Variants in GDPD4 observed in about 807,000 individuals in gnomAD.
GDPD4 encodes glycerophosphodiester phosphodiesterase domain containing 4.
A neutral mutation model predicts 67.8 loss-of-function variants in GDPD4; 60 were observed. The ratio of observed to expected loss-of-function variants is 0.88; its 90% CI spans 0.72 to 1.10. GDPD4 has a LOEUF of 1.10. Ranked by LOEUF, GDPD4 falls within the 50% of genes least tolerant of loss-of-function variation. The pLI is 0.00. For missense variants in GDPD4, 623 were observed against 613.9 expected (o/e 1.01, Z -0.16); for synonymous variants, 212 against 210.9 (o/e 1.00, Z -0.04).
intron 13 of GDPD4, among the ~76,000 whole-genome samples, chr11:77,235,658 T>G (rs1317485182): frequency 1.3e-5 from 2 of 152,200 alleles, no homozygotes; most frequent in African/African-American, 4.8e-5. Context: ...TCCAAAGATG[T>G]AAAAATTCAG....
At chr11:77,295,210 T>C (rs1937913952) in intron 1 of GDPD4, among the ~76,000 whole-genome samples, 1 of 151,546 alleles carries the variant, frequency 6.6e-6, no homozygotes, top group Admixed American at 6.6e-5. Flanking sequence ...CTGGTCTGGA[T>C]CTCCTGACCT....
At chr11:77,289,236 A>G (rs890278159) in intron 1 of GDPD4, among the ~76,000 whole-genome samples, 7 of 151,924 alleles carry the variant, frequency 4.6e-5, no homozygotes, top group African/African-American at 1.5e-4. Context: ...GGTAGTGCAC[A>G]TCTGTAATCC....
At chr11:77,294,816 A>G (rs982212034) in intron 1 of GDPD4, among the ~76,000 whole-genome samples, 12 of 152,180 alleles carry the variant, frequency 7.9e-5, no homozygotes, top group African/African-American at 2.9e-4. Flanking sequence ...GAAACAGAAT[A>G]TGGGTTCCAG....
chr11:77,282,722 C>G (rs1443591636), intron 3 of GDPD4, among the ~76,000 whole-genome samples: 3 of 151,026 alleles, frequency 2.0e-5, no homozygotes, highest in Non-Finnish European at 4.4e-5. Context: ...AAAAAAAACA[C>G]AGAACTGATA....
At chr11:77,225,524 C>T (rs932556946) in intron 16 of GDPD4, among the ~76,000 whole-genome samples, 4 of 152,082 alleles carry the variant, frequency 2.6e-5, no homozygotes, top group Admixed American at 1.3e-4. Context: ...TGCACGCACA[C>T]GCACGAAGTT....
intron 11 of GDPD4, among the ~76,000 whole-genome samples, chr11:77,248,051 C>CAAAAAAAAAAAAAAAAAAA (rs34252021): frequency 3.2e-5 from 2 of 62,704 alleles, no homozygotes; most frequent in Admixed American, 2.1e-4. Flanking sequence ...AACTCCGTCT[C>CAAAAAAAAAAAAAAAAAAA]AAAAAAAAAA....
chr11:77,297,467 C>G (rs60804374), intron 1 of GDPD4, among the ~76,000 whole-genome samples: 5 of 147,686 alleles, frequency 3.4e-5, no homozygotes, highest in African/African-American at 1.3e-4. Flanking sequence ...ACCCGGGAGG[C>G]GGAGCTTGCA....
intron 5 of GDPD4, among the ~76,000 whole-genome samples, chr11:77,271,697 G>C (rs147987476): frequency 2.6e-4 from 40 of 152,188 alleles, no homozygotes; most frequent in Admixed American, 2.6e-3. Flanking sequence ...ACATTGCTTG[G>C]TATCTCTTAC....
intron 1 of GDPD4, among the ~76,000 whole-genome samples, chr11:77,297,720 G>C (rs138284249): frequency 6.6e-6 from 1 of 152,148 alleles, no homozygotes. Flanking sequence ...ATTATTGAGT[G>C]AATCAATAGA....
rs774243373 is a variant in GDPD4 at position 77,243,813 on chromosome 11, G to C, written c.1122C>G (p.Val374=). The change falls in exon 13 of 17, where the codon GTC becomes GTG. Residue 374 remains valine (V), a synonymous_variant. Coordinates refer to ENST00000315938, the MANE Select transcript of GDPD4 (RefSeq NM_182833.3). ...FWLPAHDRQY[V]RSVAPGFQHV... Reference sequence around the variant, plus strand: ...GCTGAAAACCAGGAGCCACGGACCTGACGTATTGCCTATCATGAGCTGGCA... The same window carrying C: ...GCTGAAAACCAGGAGCCACGGACCTCACGTATTGCCTATCATGAGCTGGCA... The C allele has an allele frequency of 1.2e-6, 2 of 1,613,832 alleles. No homozygotes were observed. Among genetic ancestry groups the C allele is most frequent in the Non-Finnish European group, 1.7e-6 (2 of 1,179,818 alleles).
chr11:77,255,466 AAGG>A (rs1380712552), intron 11 of GDPD4, among the ~76,000 whole-genome samples: 3 of 152,216 alleles, frequency 2.0e-5, no homozygotes, highest in Middle Eastern at 3.4e-3. Flanking sequence ...CAGGAGGCTG[AAGG>A]AGGAGAACTG....
chr11:77,221,962 T>G (rs2135818214), intron 16 of GDPD4, among the ~76,000 whole-genome samples: 1 of 152,336 alleles, frequency 6.6e-6, no homozygotes, highest in East Asian at 1.9e-4. Context: ...CTTGTTGAAT[T>G]GATCCCTTTA....
chr11:77,284,298 G>C (rs1387651391), intron 3 of GDPD4, among the ~76,000 whole-genome samples: 1 of 151,942 alleles, frequency 6.6e-6, no homozygotes, highest in African/African-American at 2.4e-5. Flanking sequence ...TAAGTGAAAA[G>C]AGAAAGCAAA....
At chr11:77,228,596 T>C (rs1371449582) in intron 15 of GDPD4, among the ~76,000 whole-genome samples, 1 of 150,410 alleles carries the variant, frequency 6.6e-6, no homozygotes, top group Non-Finnish European at 1.5e-5. Flanking sequence ...GAGAATCACT[T>C]GAACCCAGGA....
At chr11:77,280,994 T>C (rs957710198) in intron 3 of GDPD4, among the ~76,000 whole-genome samples, 2 of 152,248 alleles carry the variant, frequency 1.3e-5, no homozygotes, top group African/African-American at 4.8e-5. Flanking sequence ...TCTATGTGAA[T>C]GTGTCCAATT....
chr11:77,218,107 T>TG (rs967257031), intron 16 of GDPD4, among the ~76,000 whole-genome samples: 4 of 151,796 alleles, frequency 2.6e-5, no homozygotes, highest in African/African-American at 9.7e-5. Context: ...TTTTTTTTTT[T>TG]GTCAGCTTTA....
intron 4 of GDPD4, among the ~76,000 whole-genome samples, chr11:77,278,881 T>G (rs1363628979): frequency 1.3e-5 from 2 of 152,200 alleles, no homozygotes; most frequent in Non-Finnish European, 2.9e-5. Context: ...ATTTGTACAT[T>G]AGAACAAATT....
chr11:77,285,030 G>T, intron 3 of GDPD4, 55 bp downstream of exon 3: 1 of 1,227,988 alleles, frequency 8.1e-7, no homozygotes, highest in South Asian at 1.2e-5. Context: ...GAATCCAGGT[G>T]GCTATCAGAC....
At chr11:77,220,790 C>T (rs2135816856) in intron 16 of GDPD4, among the ~76,000 whole-genome samples, 1 of 152,278 alleles carries the variant, frequency 6.6e-6, no homozygotes, top group South Asian at 2.1e-4. Flanking sequence ...GTACCAGCTC[C>T]TCTTTGTATC....
Sources: gnomAD v4.1 joint callset for allele counts (sites outside exome capture counted in the v4.1 genomes callset) on GRCh38, gnomAD v4.1.1 for gene constraint, MANE v1.5 for transcripts, NCBI Gene and HGNC (gene_info 2026-07-23, HGNC 2026-07-21) for gene names.